Variants in TATDN1 observed in about 807,000 individuals in gnomAD.
The protein encoded by TATDN1 is deoxyribonuclease TATDN1.
TATDN1 carries 40 observed loss-of-function variants against 46.4 expected under a neutral mutation model. The ratio of observed to expected loss-of-function variants is 0.86; its 90% CI spans 0.67 to 1.12. The LOEUF (loss-of-function observed/expected upper bound fraction) is 1.12, where lower values mean the gene tolerates loss of function less well. TATDN1 is among the 50% of genes most tolerant of loss of function. The probability of loss-of-function intolerance (pLI) is 0.00; values close to 1 mark genes in which losing one functional copy is unlikely to be tolerated. For synonymous variants in TATDN1, 95 were observed against 105.6 expected (o/e 0.90, Z 0.62); for missense variants, 326 against 348.4 (o/e 0.94, Z 0.51).
chr8:124,535,000 C>G (rs1215948602), intron 1 of TATDN1, among the ~76,000 whole-genome samples: 2 of 152,214 alleles, frequency 1.3e-5, no homozygotes, highest in Non-Finnish European at 2.9e-5. Flanking sequence ...AGAGGCTTCA[C>G]CATGTAGGTA....
At chr8:124,523,126 C>A in intron 1 of TATDN1, 124 bp from the exon 2 acceptor site, 1 of 740,238 alleles carries the variant, frequency 1.4e-6, no homozygotes, top group South Asian at 1.7e-5. Context: ...TATCCAAGTG[C>A]CTACCACTTG....
intron 9 of TATDN1, among the ~76,000 whole-genome samples, chr8:124,498,817 A>T (rs1817701225): frequency 1.3e-5 from 2 of 151,406 alleles, no homozygotes; most frequent in South Asian, 4.2e-4. Context: ...CACCCAGCTA[A>T]TTTTTTTTAT....
chr8:124,516,716 AT>A (rs146618159), intron 4 of TATDN1, among the ~76,000 whole-genome samples: 23,366 of 152,212 alleles, frequency 0.15, 2,266 homozygotes, highest in Admixed American at 0.24. Context: ...TAATATAGCA[AT>A]AAAAATGTAT....
At chr8:124,525,268 C>G (rs1011904385) in intron 1 of TATDN1, among the ~76,000 whole-genome samples, 1 of 152,142 alleles carries the variant, frequency 6.6e-6, no homozygotes, top group African/African-American at 2.4e-5. Flanking sequence ...GTCTCAGCCT[C>G]CCAAGTAGCT....
chr8:124,518,680 C>A, intron 4 of TATDN1, 138 bp downstream of exon 4: 1 of 648,802 alleles, frequency 1.5e-6, no homozygotes. Context: ...TCATCTTAAT[C>A]ATGTCCCATT....
intron 1 of TATDN1, among the ~76,000 whole-genome samples, chr8:124,534,890 C>T (rs1207408812): frequency 6.6e-6 from 1 of 152,216 alleles, no homozygotes. Flanking sequence ...GCTCACGGAA[C>T]TCAGGAAAGC....
At chr8:124,490,677 T>C (rs1226442252) in intron 11 of TATDN1, among the ~76,000 whole-genome samples, 2 of 152,152 alleles carry the variant, frequency 1.3e-5, no homozygotes, top group Admixed American at 6.5e-5. Flanking sequence ...CCAAAATGAA[T>C]ATAAAGTTGT....
At chr8:124,511,672 T>C (rs1819029181) in intron 6 of TATDN1, among the ~76,000 whole-genome samples, 1 of 152,034 alleles carries the variant, frequency 6.6e-6, no homozygotes, top group Non-Finnish European at 1.5e-5. Context: ...TAAAAAATAC[T>C]TTTTCCAGAA....
chr8:124,529,758 T>A (rs1158604227), intron 1 of TATDN1, among the ~76,000 whole-genome samples: 1 of 152,234 alleles, frequency 6.6e-6, no homozygotes, highest in Non-Finnish European at 1.5e-5. Flanking sequence ...TTATCTGATG[T>A]AGATGACACT....
chr8:124,527,088 G>A (rs1350028582), intron 1 of TATDN1, among the ~76,000 whole-genome samples: 3 of 152,172 alleles, frequency 2.0e-5, no homozygotes, highest in Non-Finnish European at 4.4e-5. Context: ...CTTTGGCTGA[G>A]AACAAAAGCA....
chr8:124,535,429 A>G (rs988443301), intron 1 of TATDN1, among the ~76,000 whole-genome samples: 5 of 152,222 alleles, frequency 3.3e-5, no homozygotes, highest in African/African-American at 1.2e-4. Context: ...TTTAAGGAAC[A>G]ACCAAATGTG....
chr8:124,511,048 T>C (rs1216362350), intron 6 of TATDN1, among the ~76,000 whole-genome samples: 1 of 152,188 alleles, frequency 6.6e-6, no homozygotes, highest in Non-Finnish European at 1.5e-5. Flanking sequence ...TAACTAGAAA[T>C]AACTGTATAA....
chr8:124,491,734 GCAAA>G (rs1458660089), intron 11 of TATDN1: 2 of 152,130 alleles, frequency 1.3e-5, no homozygotes, highest in African/African-American at 4.8e-5. Flanking sequence ...AACATCTGTT[GCAAA>G]CAATGTATAT....
intron 4 of TATDN1, 34 bp from the exon 5 acceptor site, chr8:124,516,064 A>G (rs750681350): frequency 6.5e-7 from 1 of 1,527,724 alleles, no homozygotes. Context: ...ATTATTTTCA[A>G]AGTATTTTCT....
At chr8:124,535,212 A>G (rs1484447142) in intron 1 of TATDN1, among the ~76,000 whole-genome samples, 1 of 152,238 alleles carries the variant, frequency 6.6e-6, no homozygotes, top group Admixed American at 6.5e-5. Context: ...AAAGACACTT[A>G]GCACTTAGGA....
At chr8:124,524,058 G>C (rs1331506430) in intron 1 of TATDN1, among the ~76,000 whole-genome samples, 1 of 152,156 alleles carries the variant, frequency 6.6e-6, no homozygotes, top group Non-Finnish European at 1.5e-5. Flanking sequence ...GTAGGCAGCT[G>C]ATTACCAACA....
chr8:124,538,913 C>A (rs761819739), intron 1 of TATDN1, 112 bp downstream of exon 1: 25 of 1,312,700 alleles, frequency 1.9e-5, no homozygotes, highest in Non-Finnish European at 2.7e-5. Flanking sequence ...ACTGAGCGGC[C>A]CTTTCAACCC....
At chr8:124,508,956 G>C (rs1332403813) in intron 6 of TATDN1, among the ~76,000 whole-genome samples, 2 of 152,106 alleles carry the variant, frequency 1.3e-5, no homozygotes, top group African/African-American at 4.8e-5. Context: ...CTTGCCACTG[G>C]GAGCACCATC....
intron 4 of TATDN1, among the ~76,000 whole-genome samples, chr8:124,517,029 G>A (rs1356068038): frequency 1.3e-5 from 2 of 152,144 alleles, no homozygotes; most frequent in African/African-American, 4.8e-5. Context: ...AATGGAGGTG[G>A]GAGAACTTTA....
Sources: gnomAD v4.1 joint callset for allele counts (sites outside exome capture counted in the v4.1 genomes callset) on GRCh38, gnomAD v4.1.1 for gene constraint, MANE v1.5 for transcripts, NCBI Gene and HGNC (gene_info 2026-07-23, HGNC 2026-07-21) for gene names.